The following NPAS3 variants were observed in gnomAD, a reference collection of about 807,000 sequenced individuals.
NPAS3 encodes neuronal PAS domain protein 3, also known as neuronal PAS domain-containing protein 3.
Under a neutral mutation model 73.1 loss-of-function variants are expected in NPAS3, and 14 were observed. That is an observed-to-expected ratio of 0.19 (90% CI 0.13 to 0.30). NPAS3 has a LOEUF of 0.30. Ranked by LOEUF, NPAS3 falls within the 10% of genes least tolerant of loss-of-function variation. NPAS3 has a pLI of 1.00. For synonymous variants in NPAS3, 620 were observed against 541.5 expected (o/e 1.14, Z -2.01); for missense variants, 1,096 against 1,250.0 (o/e 0.88, Z 1.86).
At chr14:33,685,122 C>T (rs546833017) in intron 6 of NPAS3, among the ~76,000 whole-genome samples, 4 of 152,264 alleles carry the variant, frequency 2.6e-5, no homozygotes, top group African/African-American at 4.8e-5. Flanking sequence ...TGAATGTCCA[C>T]GACGTGTCAG....
intron 5 of NPAS3, among the ~76,000 whole-genome samples, chr14:33,672,181 G>A (rs562168604): frequency 6.6e-6 from 1 of 152,264 alleles, no homozygotes; most frequent in South Asian, 2.1e-4. Flanking sequence ...CTCTTAAAGA[G>A]TTTCTTAAAA....
chr14:33,366,425 TG>T (rs1302305336), intron 3 of NPAS3, among the ~76,000 whole-genome samples: 2 of 151,986 alleles, frequency 1.3e-5, no homozygotes, highest in Non-Finnish European at 2.9e-5. Context: ...ACTCCTTGTG[TG>T]GTAGGCACCT....
intron 1 of NPAS3, among the ~76,000 whole-genome samples, chr14:32,969,270 A>G (rs1318031735): frequency 6.6e-6 from 1 of 152,034 alleles, no homozygotes; most frequent in Non-Finnish European, 1.5e-5. Context: ...GTCTCTTAGA[A>G]CCTAACCTTA....
chr14:33,222,327 T>A (rs1373730487), intron 3 of NPAS3, among the ~76,000 whole-genome samples: 1 of 152,026 alleles, frequency 6.6e-6, no homozygotes, highest in Non-Finnish European at 1.5e-5. Flanking sequence ...AAGAAGGAGG[T>A]CAGAGAGAAT....
At chr14:33,187,347 A>C (rs1273054297) in intron 2 of NPAS3, among the ~76,000 whole-genome samples, 1 of 152,090 alleles carries the variant, frequency 6.6e-6, no homozygotes, top group Admixed American at 6.5e-5. Context: ...CCTCACCTGA[A>C]ATGCTCTTCT....
chr14:33,299,603 T>G (rs540647745), intron 3 of NPAS3, among the ~76,000 whole-genome samples: 7 of 152,262 alleles, frequency 4.6e-5, no homozygotes, highest in South Asian at 2.1e-4. Flanking sequence ...TTTCTTTTTT[T>G]TGTGTGCTTA....
At chr14:33,441,586 GTCT>G (rs2049250929) in intron 4 of NPAS3, among the ~76,000 whole-genome samples, 1 of 152,148 alleles carries the variant, frequency 6.6e-6, no homozygotes, top group Non-Finnish European at 1.5e-5. Context: ...TTTAAAAACT[GTCT>G]TCTTTATATT....
At chr14:33,259,315 T>A (rs192094732) in intron 3 of NPAS3, among the ~76,000 whole-genome samples, 15 of 152,276 alleles carry the variant, frequency 9.9e-5, no homozygotes, top group African/African-American at 3.4e-4. Context: ...TGTAGAAGAC[T>A]ACAACAAAAA....
intron 3 of NPAS3, among the ~76,000 whole-genome samples, chr14:33,291,588 G>T (rs1022603206): frequency 6.6e-6 from 1 of 152,196 alleles, no homozygotes; most frequent in Admixed American, 6.5e-5. Flanking sequence ...AAAATTAAAT[G>T]CTAGAGATTT....
rs1595107967 is a variant in NPAS3, at chr14:33,536,996, G to C, written c.469-23125G>C. On this transcript the variant is annotated intron_variant, in intron 4 of 11. Coordinates refer to ENST00000356141, the Ensembl canonical transcript of NPAS3. ...TTTCCTGACAGTCTATTCAATTACT[G>C]GTCTACTTTTTTCCTGAAATATTTT... 3.9e-5 allele frequency among the ~76,000 whole-genome samples: 6 copies of C among 152,134 alleles called. 1 individual carries two copies. The South Asian group carries it at 1.2e-3, about 32-fold the overall frequency.
At chr14:33,577,029 G>T (rs1161897017) in intron 5 of NPAS3, among the ~76,000 whole-genome samples, 2 of 152,172 alleles carry the variant, frequency 1.3e-5, no homozygotes, top group Admixed American at 6.5e-5. Context: ...TCTTCAACTT[G>T]CAAGGCCAAA....
intron 1 of NPAS3, among the ~76,000 whole-genome samples, chr14:32,989,691 T>G (rs1327376005): frequency 2.6e-5 from 4 of 151,950 alleles, no homozygotes; most frequent in Non-Finnish European, 5.9e-5. Context: ...AAAAAAAACC[T>G]TGTATTCTAT....
Position 33,665,270 on chromosome 14 carries a change from G to T in NPAS3, c.559-10941G>T, listed in dbSNP as rs1407288234. The stretch of plus-strand genomic sequence containing the variant: ...TGAGAACACATGGACACAGGGAGGG[G>T]AACATCACACACCCGGGACTGCCAG... On this transcript the variant is annotated intron_variant, in intron 5 of 11. Coordinates refer to ENST00000356141, the Ensembl canonical transcript of NPAS3. Among the ~76,000 whole-genome samples the T allele has an allele frequency of 1.4e-4, 22 of 152,140 alleles. 1 individual carries two copies. The highest frequency in any genetic ancestry group is 1.4e-3 in the Admixed American group (22 of 15,270).
intron 7 of NPAS3, among the ~76,000 whole-genome samples, chr14:33,762,977 C>G (rs2062343963): frequency 6.6e-6 from 1 of 152,206 alleles, no homozygotes; most frequent in South Asian, 2.1e-4. Flanking sequence ...GGGATATGTT[C>G]TCTGAAATGT....
intron 4 of NPAS3, among the ~76,000 whole-genome samples, chr14:33,400,593 C>T (rs531746092): frequency 8.7e-4 from 133 of 152,174 alleles, no homozygotes; most frequent in African/African-American, 3.0e-3. Context: ...ATAAACAGTT[C>T]TAGGAATAAT....
intron 4 of NPAS3, among the ~76,000 whole-genome samples, chr14:33,526,438 G>A (rs900382413): frequency 6.7e-6 from 1 of 150,178 alleles, no homozygotes; most frequent in Non-Finnish European, 1.5e-5. Context: ...AACAGGGCAT[G>A]ACTATCACTC....
At chr14:33,503,994 G>C (rs1426398686) in intron 4 of NPAS3, among the ~76,000 whole-genome samples, 3 of 151,948 alleles carry the variant, frequency 2.0e-5, no homozygotes, top group Non-Finnish European at 4.4e-5. Context: ...ATGTTATCTA[G>C]ACATTATTCC....
chr14:32,938,552 G>C (rs546892747), upstream of NPAS3, among the ~76,000 whole-genome samples: 5 of 144,444 alleles, frequency 3.5e-5, no homozygotes, highest in African/African-American at 5.3e-5. Flanking sequence ...GTCTGCGTAC[G>C]AGAGAGCGCT....
intron 4 of NPAS3, among the ~76,000 whole-genome samples, chr14:33,557,735 C>T (rs1362623798): frequency 1.3e-5 from 2 of 152,126 alleles, no homozygotes; most frequent in African/African-American, 2.4e-5. Context: ...TTTGGGAGGC[C>T]GAGGCGGGCA....
Sources: allele counts gnomAD v4.1 joint callset (sites outside exome capture counted in the v4.1 genomes callset), GRCh38; gene constraint gnomAD v4.1.1; transcripts MANE v1.5; gene names NCBI Gene and HGNC (gene_info 2026-07-23, HGNC 2026-07-21).